STAT5B: variants seen among roughly 807,000 people sequenced by gnomAD.
STAT5B encodes the protein signal transducer and activator of transcription 5B.
Under a neutral mutation model 107.8 loss-of-function variants are expected in STAT5B, and 21 were observed. The ratio of observed to expected loss-of-function variants is 0.19; its 90% confidence interval spans 0.14 to 0.28. The LOEUF (loss-of-function observed/expected upper bound fraction) is 0.28. STAT5B is among the 10% of genes least tolerant of loss of function. The probability of loss-of-function intolerance (pLI) is 1.00; values close to 1 mark genes in which losing one functional copy is unlikely to be tolerated. For synonymous variants in STAT5B, 325 were observed against 401.7 expected (o/e 0.81, Z 2.28); for missense variants, 565 against 1,008.2 (o/e 0.56, Z 5.95).
rs372061355 is a variant in STAT5B, at chr17:42,219,270, C to A, written c.833+42G>T. On this transcript the variant is annotated intron_variant, in intron 7 of 18. Transcript: ENST00000293328. ...ACGCAGAAGCAGCCGGGATCCCCACCAGCCCCTCCTGCCCTGCCCGCTGGC... is the reference window on the plus strand; with the variant it reads ...ACGCAGAAGCAGCCGGGATCCCCACAAGCCCCTCCTGCCCTGCCCGCTGGC... 24 of 1,592,174 alleles carry A rather than the reference C, an allele frequency of 1.5e-5. No individual in the cohort carries two copies. In the African/African-American group the frequency reaches 3.1e-4, roughly 20 times the overall value.
intron 1 of STAT5B, chr17:42,234,176 C>A (rs1184222639): frequency 6.6e-6 from 1 of 152,202 alleles, no homozygotes; most frequent in East Asian, 1.9e-4. Context: ...AAATAAAAAT[C>A]TCTTCTGTTA....
intron 2 of STAT5B, among the ~76,000 whole-genome samples, 158 bp downstream of exon 2, chr17:42,231,842 C>G (rs2080319897): frequency 6.6e-6 from 1 of 152,110 alleles, no homozygotes; most frequent in Admixed American, 6.6e-5. Context: ...TACCTTTCAC[C>G]TATAAAAAGA....
upstream of STAT5B, among the ~76,000 whole-genome samples, chr17:42,281,417 T>C (rs1485531995): frequency 1.3e-5 from 2 of 152,196 alleles, no homozygotes; most frequent in African/African-American, 2.4e-5. Context: ...AAAATACATA[T>C]ATCATGTGCA....
intron 1 of STAT5B, among the ~76,000 whole-genome samples, chr17:42,251,343 A>T (rs747580809): frequency 3.4e-4 from 52 of 152,322 alleles, no homozygotes; most frequent in Middle Eastern, 3.4e-3. Flanking sequence ...AACATTTCCT[A>T]TAAGAAGCTG....
chr17:42,244,249 G>A (rs1379187103), intron 1 of STAT5B, among the ~76,000 whole-genome samples: 5 of 149,100 alleles, frequency 3.4e-5, no homozygotes, highest in South Asian at 2.1e-4. Context: ...CACCATGCCC[G>A]GCTAATTTTT....
upstream of STAT5B, among the ~76,000 whole-genome samples, chr17:42,277,877 T>C (rs2080777621): frequency 6.6e-6 from 1 of 151,478 alleles, no homozygotes. Flanking sequence ...TTCCTCAGCC[T>C]CCTGAGTAGC....
intron 10 of STAT5B, 32 bp from the exon 11 acceptor site, chr17:42,217,314 G>C (rs768969258): frequency 5.6e-6 from 9 of 1,614,094 alleles, no homozygotes; most frequent in South Asian, 5.5e-5. Flanking sequence ...TGAAACGTAA[G>C]ATATAAGTTG....
chr17:42,241,340 C>CA (rs774158422), intron 1 of STAT5B, among the ~76,000 whole-genome samples: 936 of 72,376 alleles, frequency 0.013, 8 homozygotes, highest in African/African-American at 0.034. Flanking sequence ...AACTCCATCT[C>CA]AAAAAAAAAA....
chr17:42,250,737 G>A lies in STAT5B; in HGVS notation c.-10-18600C>T, dbSNP rs180926585. Among the ~76,000 whole-genome samples the A allele has an allele frequency of 1.3e-4, 19 of 151,858 alleles. No homozygotes were observed. In the East Asian group the frequency reaches 3.1e-3, roughly 25 times the overall value. On this transcript the variant is annotated intron_variant, in intron 1 of 18. Coordinates refer to ENST00000293328, the MANE Select transcript of STAT5B (RefSeq NM_012448.4). ...CAGGAGATCGAGACCATCCTGGCTA[G>A]CATGGTGAAACCCCATCTCTACTAA...
At chr17:42,260,077 A>G (rs1028612615) in intron 1 of STAT5B, among the ~76,000 whole-genome samples, 6 of 152,222 alleles carry the variant, frequency 3.9e-5, no homozygotes, top group African/African-American at 1.4e-4. Context: ...CTCTAGCAGC[A>G]TGTGCTACCT....
At chr17:42,287,156 T>TG in the STAT5B span, among the ~76,000 whole-genome samples, 1 of 151,576 alleles carries the variant, frequency 6.6e-6, no homozygotes, top group Non-Finnish European at 1.5e-5. Flanking sequence ...ACAGAGAAGG[T>TG]GGGGAGAACG....
chr17:42,233,077 A>G (rs949409760), intron 1 of STAT5B, among the ~76,000 whole-genome samples: 20 of 151,748 alleles, frequency 1.3e-4, no homozygotes, highest in African/African-American at 4.6e-4. Context: ...CCTGACCTCA[A>G]GTGATCCATC....
At chr17:42,263,113 G>T (rs1447779804) in intron 1 of STAT5B, among the ~76,000 whole-genome samples, 2 of 144,234 alleles carry the variant, frequency 1.4e-5, no homozygotes, top group African/African-American at 5.1e-5. Context: ...ATAGCTCACT[G>T]CAGCCTCCAC....
intron 13 of STAT5B, among the ~76,000 whole-genome samples, chr17:42,211,077 T>C (rs560266241): frequency 1.8e-3 from 275 of 151,864 alleles, no homozygotes; most frequent in Non-Finnish European, 1.4e-3. Flanking sequence ...GGCGGGTGCC[T>C]GTAATCCCGG....
intron 18 of STAT5B, 128 bp from the exon 19 acceptor site, chr17:42,201,992 G>A (rs2080048140): frequency 2.3e-6 from 2 of 870,138 alleles, no homozygotes; most frequent in Non-Finnish European, 3.7e-6. Context: ...CATGGGAAAA[G>A]AACAACCATT....
At position 42,210,213 on chromosome 17, in the gene STAT5B, A is replaced by C; in HGVS notation, c.1864T>G (p.Ser622Ala). The change falls in exon 15 of 19, where the codon TCA becomes GCA. Residue 622 changes from serine to alanine, a missense_variant. Coordinates refer to ENST00000293328, the MANE Select transcript of STAT5B (RefSeq NM_012448.4). Reference sequence around the variant, plus strand: ...GCAATGGTGATGCCGCCAATTTCTGAGTCACTGAATCTCAGGAGGAAGGTC... The same window carrying C: ...GCAATGGTGATGCCGCCAATTTCTGCGTCACTGAATCTCAGGAGGAAGGTC... ...DGTFLLRFSDSEIGGITIAWK... is the reference protein window; with the variant it reads ...DGTFLLRFSDAEIGGITIAWK... 6.2e-7 allele frequency: 1 copy of C among 1,614,220 alleles called. No homozygotes were observed. Among genetic ancestry groups the C allele is most frequent in the Non-Finnish European group, 8.5e-7 (1 of 1,180,044 alleles).
At chr17:42,214,601 T>C (rs1394678162) in intron 12 of STAT5B, 2 of 985,246 alleles carry the variant, frequency 2.0e-6, no homozygotes, top group African/African-American at 3.5e-5. Context: ...AAATCCTATA[T>C]TCTAACAGCC....
upstream of STAT5B, among the ~76,000 whole-genome samples, chr17:42,278,498 G>A (rs770126486): frequency 1.3e-5 from 2 of 152,126 alleles, no homozygotes; most frequent in Non-Finnish European, 2.9e-5. Context: ...TTGAGCCTGG[G>A]AGGTCAAGGG....
chr17:42,238,450 C>A (rs1377712420), intron 1 of STAT5B, among the ~76,000 whole-genome samples: 2 of 141,732 alleles, frequency 1.4e-5, no homozygotes, highest in Non-Finnish European at 1.5e-5. Flanking sequence ...TTGTGCCTGG[C>A]CTTTTTTTTT....
Sources: allele counts gnomAD v4.1 joint callset (sites outside exome capture counted in the v4.1 genomes callset), GRCh38; gene constraint gnomAD v4.1.1; transcripts MANE v1.5; gene names NCBI Gene and HGNC (gene_info 2026-07-23, HGNC 2026-07-21).